The following HGD variants were observed in gnomAD, a reference collection of about 807,000 sequenced individuals.
HGD encodes homogentisate oxidase.
In HGD, 61 loss-of-function variants were observed where a neutral mutation model predicts 60.8. That is an observed-to-expected ratio of 1.00 (90% CI 0.82 to 1.24). The LOEUF (loss-of-function observed/expected upper bound fraction) is 1.24, where lower values mean the gene tolerates loss of function less well. Ranked by LOEUF, HGD falls within the 50% of genes most tolerant of loss-of-function variation. The pLI, the probability that HGD is intolerant of heterozygous loss-of-function variation, is 0.00. For synonymous variants in HGD, 212 were observed against 187.7 expected (o/e 1.13, Z -1.06); for missense variants, 542 against 547.1 (o/e 0.99, Z 0.09).
At chr3:120,640,916 C>G (rs1359913723) in intron 11 of HGD, among the ~76,000 whole-genome samples, 2 of 152,240 alleles carry the variant, frequency 1.3e-5, no homozygotes, top group Non-Finnish European at 2.9e-5. Flanking sequence ...AGGTTCATCT[C>G]TTATGAAGTG....
intron 12 of HGD, among the ~76,000 whole-genome samples, chr3:120,635,686 C>T (rs146545115): frequency 2.6e-5 from 4 of 151,970 alleles, no homozygotes; most frequent in Admixed American, 6.6e-5. Context: ...TTTTTCCCAA[C>T]GAACTCAGGG....
chr3:120,638,434 C>T, intron 12 of HGD, 21 bp downstream of exon 12: 2 of 1,613,494 alleles, frequency 1.2e-6, no homozygotes, highest in South Asian at 1.1e-5. Context: ...GCAAATGTGG[C>T]TTGGTAAAAG....
intron 11 of HGD, among the ~76,000 whole-genome samples, chr3:120,641,103 T>C (rs1179416858): frequency 1.3e-5 from 2 of 152,190 alleles, no homozygotes; most frequent in African/African-American, 2.4e-5. Context: ...CTGAAAGTTA[T>C]GAGTAACTTT....
rs1170606064 is a variant in HGD, at chr3:120,672,687, C to A, written c.177-2155G>T. On this transcript the variant is annotated intron_variant, in intron 3 of 13. Coordinates refer to ENST00000283871, the MANE Select transcript of HGD (RefSeq NM_000187.4). ...TATGTCTTGGAACCACCTGTGTGAT[C>A]CTGGGAGAGTTACTAGACTTCCTGA... Among the ~76,000 whole-genome samples, 4 of 152,160 alleles carry A rather than the reference C, an allele frequency of 2.6e-5. No individual in the cohort carries two copies. The South Asian group carries it at 6.2e-4, about 24-fold the overall frequency.
intron 13 of HGD, among the ~76,000 whole-genome samples, chr3:120,632,574 A>G (rs1940624747): frequency 6.6e-6 from 1 of 152,186 alleles, no homozygotes; most frequent in Non-Finnish European, 1.5e-5. Flanking sequence ...AGCCCTGACT[A>G]TAGTGAGGCA....
At chr3:120,674,772 A>G in intron 3 of HGD, 129 bp downstream of exon 3, 1 of 719,824 alleles carries the variant, frequency 1.4e-6, no homozygotes, top group Admixed American at 1.8e-5. Flanking sequence ...ACCATGACCC[A>G]GACCATAGCC....
At chr3:120,652,360 A>G (rs531077190) in intron 5 of HGD, among the ~76,000 whole-genome samples, 1 of 152,336 alleles carries the variant, frequency 6.6e-6, no homozygotes. Flanking sequence ...TTCAATTGTC[A>G]TTGGCCTTTC....
intron 13 of HGD, among the ~76,000 whole-genome samples, chr3:120,630,798 TTATATATATATATATATA>T (rs61375071): frequency 1.1e-5 from 1 of 88,028 alleles, no homozygotes; most frequent in African/African-American, 6.2e-5. Context: ...CTTAAGAGCT[TTATATATATATATATATA>T]TATATATATA....
In HGD at chr3:120,641,637, G is replaced by A. The variant is rs1940984085; in HGVS notation, c.831C>T (p.Tyr277=). Residue 277 remains tyrosine (Y), a synonymous_variant, in exon 11 of 14, where the codon TAC becomes TAT. Coordinates refer to ENST00000283871, the MANE Select transcript of HGD (RefSeq NM_000187.4). The part of the protein sequence containing the change: ...AWHGNYTPYK[Y]NLKNFMVINS... ...TGATAACCATGAAATTCTTCAGGTT[G>A]TACTTGTAGGGTGTATAATTCCCGT... 3 of 1,613,996 alleles carry A rather than the reference G, an allele frequency of 1.9e-6. No individual in the cohort carries two copies. The African/African-American group carries it at 4.0e-5, about 22-fold the overall frequency.
intron 4 of HGD, among the ~76,000 whole-genome samples, chr3:120,657,168 G>A (rs182423953): frequency 8.6e-4 from 131 of 152,262 alleles, no homozygotes; most frequent in African/African-American, 2.8e-3. Flanking sequence ...TATTCTATGA[G>A]TTCTATTGGA....
At chr3:120,657,626 C>T (rs1461055216) in intron 4 of HGD, among the ~76,000 whole-genome samples, 2 of 152,088 alleles carry the variant, frequency 1.3e-5, no homozygotes, top group African/African-American at 4.8e-5. Flanking sequence ...TCTGTTCTCA[C>T]ATTGCTATAA....
At chr3:120,668,872 C>T (rs902088660) in intron 4 of HGD, among the ~76,000 whole-genome samples, 1 of 152,128 alleles carries the variant, frequency 6.6e-6, no homozygotes, top group Admixed American at 6.5e-5. Context: ...TTATCAGCAA[C>T]ATGTACCTAA....
chr3:120,675,713 G>T, intron 2 of HGD, 79 bp downstream of exon 2: 1 of 1,070,984 alleles, frequency 9.3e-7, no homozygotes, highest in Non-Finnish European at 1.5e-6. Flanking sequence ...AGCCACGGTG[G>T]GTGGAGGCAC....
In HGD at chr3:120,641,757, A is replaced by G. The variant is rs953512272; in HGVS notation, c.775-64T>C. On this transcript the variant is annotated intron_variant, in intron 10 of 13. Transcript: ENST00000283871. The stretch of plus-strand genomic sequence containing the variant: ...AATGCTTTTGTAGCTGTGATCCCAC[A>G]ATATGTACTGAGTATACCTCTCTCT... 22 of 995,944 alleles carry G rather than the reference A, an allele frequency of 2.2e-5. No homozygotes were observed. The African/African-American group carries it at 3.3e-4, about 15-fold the overall frequency. The allele number at this position is 995,944 out of a possible 1,614,324, so 61.7% of individuals were successfully genotyped here. A position where few individuals can be genotyped will look rare whatever the true frequency, so the allele number is the denominator to read the frequency against.
In HGD at chr3:120,628,200, T is replaced by A. The variant is rs942166637; in HGVS notation, c.*180A>T. 4.5e-6 allele frequency: 3 copies of A among 660,842 alleles called. No homozygotes were observed. In the African/African-American group the frequency reaches 5.4e-5, roughly 12 times the overall value. The allele number at this position is 660,842 out of a possible 1,614,324, so 40.9% of individuals were successfully genotyped here. ...ACAGAACACCAGCAAGTTTATTGAG[T>A]AATTAAGGTGACAGCCATAGAACTT... On this transcript the variant is annotated 3_prime_UTR_variant, in exon 14 of 14. Transcript: ENST00000283871.
chr3:120,633,424 A>T, intron 12 of HGD, 96 bp from the exon 13 acceptor site: 1 of 1,606,428 alleles, frequency 6.2e-7, no homozygotes. Context: ...TTCCAAGAAC[A>T]CAGGAGAAAC....
chr3:120,632,219 C>T (rs963883986), intron 13 of HGD, among the ~76,000 whole-genome samples: 8 of 152,276 alleles, frequency 5.3e-5, no homozygotes, highest in African/African-American at 7.2e-5. Context: ...AGTGGACAGA[C>T]GGACAGATAA....
intron 1 of HGD, among the ~76,000 whole-genome samples, chr3:120,680,837 A>G (rs1245709930): frequency 1.3e-5 from 2 of 151,958 alleles, no homozygotes; most frequent in African/African-American, 4.8e-5. Flanking sequence ...TTCCCTCCAG[A>G]CCCCGTCCTT....
At chr3:120,647,345 C>G (rs1204883914) in intron 7 of HGD, among the ~76,000 whole-genome samples, 1 of 152,118 alleles carries the variant, frequency 6.6e-6, no homozygotes, top group African/African-American at 2.4e-5. Context: ...GAAAATCACC[C>G]ATTTCTGATA....
Sources: allele counts gnomAD v4.1 joint callset (sites outside exome capture counted in the v4.1 genomes callset), GRCh38; gene constraint gnomAD v4.1.1; transcripts MANE v1.5; gene names NCBI Gene and HGNC (gene_info 2026-07-23, HGNC 2026-07-21).